The following FCRL5 variants were observed in gnomAD, a reference collection of about 807,000 sequenced individuals.
FCRL5 encodes Fc receptor like 5, also known as Fc receptor-like protein 5.
In FCRL5, 79 loss-of-function variants were observed where a neutral mutation model predicts 92.1. The observed-to-expected ratio is 0.86, with a 90% CI of 0.72 to 1.03. The LOEUF (loss-of-function observed/expected upper bound fraction) is 1.03. Ranked by LOEUF, FCRL5 falls within the 50% of genes least tolerant of loss-of-function variation. The probability of loss-of-function intolerance (pLI) is 0.00; values close to 1 mark genes in which losing one functional copy is unlikely to be tolerated. For synonymous variants in FCRL5, 466 were observed against 469.3 expected (o/e 0.99, Z 0.09); for missense variants, 1,160 against 1,181.1 (o/e 0.98, Z 0.26).
chr1:157,542,854 C>G lies in FCRL5; in HGVS notation c.1123+5G>C, dbSNP rs767199287. On this transcript the variant is annotated splice_donor_5th_base_variant and intron_variant, in intron 6 of 16. Transcript: ENST00000361835. ...GTGGGTGATTGGCAGGAATGCAGGG[C>G]TTACCAGTGACTGAGAGGCTCACAG... is the stretch of plus-strand genomic sequence containing the variant. The G allele has an allele frequency of 2.5e-6, 4 of 1,609,492 alleles. No homozygotes were observed. The highest frequency in any genetic ancestry group is 3.4e-6 in the Non-Finnish European group (4 of 1,178,060).
In FCRL5 at chr1:157,545,037, G is replaced by A. The variant is rs1372558875; in HGVS notation, c.353C>T (p.Ser118Phe). 3 of 1,613,058 alleles carry A rather than the reference G, an allele frequency of 1.9e-6. No individual in the cohort carries two copies. The South Asian group carries it at 3.3e-5, about 18-fold the overall frequency. The change falls in exon 4 of 17, where the codon TCT becomes TTT. Residue 118 changes from serine to phenylalanine, a missense_variant. Ser to Phe is a radical substitution (Grantham distance 155, BLOSUM62 -2). Coordinates refer to ENST00000361835, the MANE Select transcript of FCRL5 (RefSeq NM_031281.3). ...QAPLSVFEGD[S>F]VVLRCRAKAE... ...CTTTGCCCGGCACCTCAGAACCACA[G>A]AGTCTCCTTCAAACACAGAAAGTGG...
At chr1:157,543,175 C>T in intron 5 of FCRL5, 38 bp from the exon 6 acceptor site, 1 of 1,589,554 alleles carries the variant, frequency 6.3e-7, no homozygotes, top group African/African-American at 1.3e-5. Flanking sequence ...ATTGCTTTTG[C>T]CTCTTACTGT....
chr1:157,541,139 A>G (rs2101635107), intron 6 of FCRL5, among the ~76,000 whole-genome samples: 1 of 152,336 alleles, frequency 6.6e-6, no homozygotes. Context: ...TCTTCTGCTT[A>G]GAACACATTC....
chr1:157,524,403 G>C lies in FCRL5; in HGVS notation c.2115C>G (p.Ala705=), dbSNP rs139438271. 6.2e-7 allele frequency: 1 copy of C among 1,614,092 alleles called. No individual in the cohort carries two copies. Among genetic ancestry groups the C allele is most frequent in the African/African-American group, 1.3e-5 (1 of 74,934 alleles). Residue 705 remains alanine (A), a synonymous_variant, in exon 10 of 17, where the codon GCC becomes GCG. Coordinates refer to ENST00000361835, the MANE Select transcript of FCRL5 (RefSeq NM_031281.3). ...TGAAGGAGGCCCCTCCTCCAGAGGG[G>C]GCTGAGATCTTACCCAGGGTGACAT... ...HEDVTLGKIS[A]PSGGGASFNL... is the part of the protein sequence containing the mutation.
In FCRL5 at chr1:157,547,051, G is replaced by C; in HGVS notation, c.199C>G (p.Leu67Val). 1 of 1,614,158 alleles carries C rather than the reference G, an allele frequency of 6.2e-7. No individual in the cohort carries two copies. The highest frequency in any genetic ancestry group is 1.7e-5 in the Admixed American group (1 of 60,018). The change falls in exon 3 of 17, where the codon CTA becomes GTA. Residue 67 changes from leucine to valine, a missense_variant. By Grantham distance (32) the Leu-to-Val change is conservative (BLOSUM62 1). Transcript: ENST00000361835. Reference sequence around the variant, plus strand: ...AGGATATTGTCTGGGGTTTCTCTTAGTATTTCTTTCCCAAGGTACCGATGG... The same window carrying C: ...AGGATATTGTCTGGGGTTTCTCTTACTATTTCTTTCCCAAGGTACCGATGG... ...WYHRYLGKEI[L>V]RETPDNILEV...
At chr1:157,535,662 A>C (rs1034552849) in intron 7 of FCRL5, among the ~76,000 whole-genome samples, 3 of 152,238 alleles carry the variant, frequency 2.0e-5, no homozygotes, top group Non-Finnish European at 2.9e-5. Context: ...TATTTGTTAT[A>C]ATGAGATTAT....
At chr1:157,520,600 G>A (rs1650135326) in intron 11 of FCRL5, 53 bp from the exon 12 acceptor site, 1 of 1,401,012 alleles carries the variant, frequency 7.1e-7, no homozygotes, top group Admixed American at 2.0e-5. Context: ...GTCTGGAACT[G>A]CCCGCTCCCG....
Position 157,525,592 on chromosome 1 carries a change from G to T in FCRL5, c.1961-1035C>A, listed in dbSNP as rs538193445. 6.0e-4 allele frequency among the ~76,000 whole-genome samples: 91 copies of T among 152,286 alleles called. 1 individual carries two copies. The South Asian group carries it at 0.019, about 31-fold the overall frequency. ...CCATTTTGACCTCTGTGCATGAAAT[G>T]GACTGTGGTGGAATGGAAGTGGAAT... On this transcript the variant is annotated intron_variant, in intron 9 of 16. Coordinates refer to ENST00000361835, the MANE Select transcript of FCRL5 (RefSeq NM_031281.3).
chr1:157,547,308 C>A (rs1651597224), intron 2 of FCRL5, 111 bp from the exon 3 acceptor site: 6 of 1,404,356 alleles, frequency 4.3e-6, no homozygotes. Flanking sequence ...TGAAAGAGGT[C>A]CTCTGGGAGG....
At chr1:157,518,871 G>T (rs547777677) in intron 13 of FCRL5, 89 bp from the exon 14 acceptor site, 13 of 1,052,376 alleles carry the variant, frequency 1.2e-5, no homozygotes, top group Non-Finnish European at 1.8e-5. Context: ...CTTACTGCAG[G>T]GTGGCTGCCA....
chr1:157,549,411 T>G, intron 2 of FCRL5, 149 bp downstream of exon 2: 1 of 684,710 alleles, frequency 1.5e-6, no homozygotes, highest in Non-Finnish European at 2.4e-6. Flanking sequence ...GTTGTGCACA[T>G]GTACCCTAAA....
chr1:157,547,421 G>A (rs1276470206), intron 2 of FCRL5: 1 of 733,410 alleles, frequency 1.4e-6, no homozygotes, highest in South Asian at 1.4e-5. Flanking sequence ...TCAGGAGGGT[G>A]ACACCAGCAG....
chr1:157,538,190 T>C (rs1436882943), intron 7 of FCRL5, among the ~76,000 whole-genome samples: 1 of 152,222 alleles, frequency 6.6e-6, no homozygotes, highest in Non-Finnish European at 1.5e-5. Context: ...CTACATCATT[T>C]GATGACTCCC....
chr1:157,515,714 G>A lies in FCRL5; in HGVS notation c.2895C>T (p.Ser965=), dbSNP rs115493285. ...CTGAGGAAGCCAAGAACAGGGATCC[G>A]GAAACCGGGGTTGACGCCACCTTAA... is the stretch of plus-strand genomic sequence containing the variant. The part of the protein sequence containing the change: ...SEVKVASTPV[S]GSLFLASSAP... The change falls in exon 17 of 17, where the codon TCC becomes TCT. Residue 965 remains serine, a synonymous_variant. Coordinates refer to ENST00000361835, the MANE Select transcript of FCRL5 (RefSeq NM_031281.3). 0.044 allele frequency: 70,364 copies of A among 1,614,124 alleles called. 1,841 individuals carry two copies. The highest frequency in any genetic ancestry group is 0.065 in the Middle Eastern group (392 of 6,062).
intron 13 of FCRL5, among the ~76,000 whole-genome samples, 180 bp downstream of exon 13, chr1:157,519,563 G>T (rs1284832006): frequency 6.6e-6 from 1 of 152,142 alleles, no homozygotes; most frequent in Non-Finnish European, 1.5e-5. Context: ...TAAGGGGGTG[G>T]GTGCAAAGGT....
chr1:157,536,544 T>C (rs544013420), intron 7 of FCRL5, among the ~76,000 whole-genome samples: 9 of 152,350 alleles, frequency 5.9e-5, no homozygotes, highest in African/African-American at 1.9e-4. Flanking sequence ...TTCCCCAACA[T>C]TTAAAACCTT....
rs373496324 is a variant in FCRL5 at position 157,544,955 on chromosome 1, A to T, written c.435T>A (p.Leu145=). The T allele has an allele frequency of 1.9e-5, 30 of 1,614,224 alleles. No homozygotes were observed. The highest frequency in any genetic ancestry group is 2.5e-5 in the Non-Finnish European group (29 of 1,180,018). Residue 145 remains leucine, a synonymous_variant, in exon 4 of 17, where the codon CTT becomes CTA. Coordinates refer to ENST00000361835, the MANE Select transcript of FCRL5 (RefSeq NM_031281.3). ...GAATATGGAAGTCAGTTCTTTTATT[A>T]AGGAATGCCAGGACATTATCATTCT... ...IYKNDNVLAF[L]NKRTDFHIPH... is the part of the protein sequence containing the mutation.
At chr1:157,521,567 A>C in intron 10 of FCRL5, 1 of 336,308 alleles carries the variant, frequency 3.0e-6, no homozygotes, top group South Asian at 5.7e-5. Flanking sequence ...AACTAAACAC[A>C]AAGACAACCA....
At chr1:157,532,212 G>A (rs1480207714) in intron 8 of FCRL5, 1 of 149,814 alleles carries the variant, frequency 6.7e-6, no homozygotes, top group Non-Finnish European at 1.5e-5. Context: ...CAATGCACAG[G>A]TTTATTTTTA....
Sources: allele counts gnomAD v4.1 joint callset (sites outside exome capture counted in the v4.1 genomes callset), GRCh38; gene constraint gnomAD v4.1.1; transcripts MANE v1.5; gene names NCBI Gene and HGNC (gene_info 2026-07-23, HGNC 2026-07-21).